The following BBS9 variants were observed in gnomAD, a reference collection of about 807,000 sequenced individuals.
BBS9 encodes Bardet-Biedl syndrome 9.
A neutral mutation model predicts 117.7 loss-of-function variants in BBS9; 89 were observed. That is an observed-to-expected ratio of 0.76 (90% confidence interval 0.64 to 0.90). The LOEUF (loss-of-function observed/expected upper bound fraction) is 0.90. Among genes scored for constraint, BBS9 ranks in the 40% least tolerant of loss-of-function variants. The pLI is 0.00. For synonymous variants in BBS9, 379 were observed against 370.9 expected, an observed-to-expected ratio of 1.02 and a Z score of -0.25; for missense variants, 982 against 1,042.2, an observed-to-expected ratio of 0.94 and a Z score of 0.80.
At chr7:33,491,410 G>A (rs938719483) in intron 19 of BBS9, among the ~76,000 whole-genome samples, 2 of 152,130 alleles carry the variant, frequency 1.3e-5, no homozygotes, top group African/African-American at 4.8e-5. Context: ...ATGGAATTAA[G>A]GAAATCTATT....
At chr7:33,230,755 G>T (rs1792207597) in intron 5 of BBS9, among the ~76,000 whole-genome samples, 1 of 152,024 alleles carries the variant, frequency 6.6e-6, no homozygotes, top group African/African-American at 2.4e-5. Context: ...ACATTATTTT[G>T]TTCTTTATGA....
chr7:33,472,923 G>C (rs1276080731), intron 19 of BBS9, among the ~76,000 whole-genome samples: 1 of 152,148 alleles, frequency 6.6e-6, no homozygotes, highest in Non-Finnish European at 1.5e-5. Context: ...GTAATAAAAT[G>C]ATTCATCCCA....
chr7:33,288,964 TA>T lies in BBS9; in HGVS notation c.1016+15010del, dbSNP rs558415967. On this transcript the variant is annotated intron_variant, in intron 9 of 22. Coordinates refer to ENST00000242067, the MANE Select transcript of BBS9 (RefSeq NM_198428.3). ...AACATGTAAACAGCTAATTACAGCC[TA>T]AGTGAGTTGGTGTTACAATATAGAA... Among the ~76,000 whole-genome samples, 483 of 152,256 alleles carry T rather than the reference TA, an allele frequency of 3.2e-3. 3 individuals carry two copies. The highest frequency in any genetic ancestry group is 0.011 in the African/African-American group (455 of 41,550).
At chr7:33,325,241 C>G (rs1347733495) in intron 9 of BBS9, among the ~76,000 whole-genome samples, 1 of 152,154 alleles carries the variant, frequency 6.6e-6, no homozygotes, top group Non-Finnish European at 1.5e-5. Context: ...AATTCTTCTA[C>G]TTGATTAGTT....
intron 20 of BBS9, among the ~76,000 whole-genome samples, chr7:33,529,585 A>G (rs1882040): frequency 1 from 150,669 of 150,680 alleles, 75,329 homozygotes; most frequent in Middle Eastern, 1. Flanking sequence ...TTTAACTAAC[A>G]CCTTCTCCCT....
intron 9 of BBS9, among the ~76,000 whole-genome samples, chr7:33,325,295 C>T (rs913270842): frequency 3.9e-5 from 6 of 152,164 alleles, no homozygotes; most frequent in Admixed American, 3.3e-4. Context: ...ATGTCAGTTG[C>T]ATTTTTCAAT....
intron 9 of BBS9, among the ~76,000 whole-genome samples, chr7:33,287,113 A>G (rs1162781628): frequency 6.6e-6 from 1 of 152,170 alleles, no homozygotes; most frequent in Non-Finnish European, 1.5e-5. Flanking sequence ...TTATCATCAG[A>G]ATAAAAAAAG....
chr7:33,366,116 C>T (rs1388826261), intron 16 of BBS9, among the ~76,000 whole-genome samples: 1 of 152,128 alleles, frequency 6.6e-6, no homozygotes, highest in Admixed American at 6.5e-5. Context: ...GGTACAACAG[C>T]AGCTACTTCT....
At chr7:33,231,428 C>CTTT (rs35407590) in intron 5 of BBS9, among the ~76,000 whole-genome samples, 15,587 of 106,004 alleles carry the variant, frequency 0.15, 1,530 homozygotes, top group South Asian at 0.21. Context: ...GCCTATGTGT[C>CTTT]TTTTTTTTTT....
intron 9 of BBS9, among the ~76,000 whole-genome samples, chr7:33,330,931 C>T (rs1213872757): frequency 3.3e-5 from 5 of 152,124 alleles, no homozygotes; most frequent in Non-Finnish European, 7.4e-5. Context: ...TGGTTCTGTT[C>T]AGCATAACAT....
chr7:33,618,912 A>G (rs1414018092), intron 21 of BBS9, among the ~76,000 whole-genome samples: 1 of 152,208 alleles, frequency 6.6e-6, no homozygotes. Flanking sequence ...CACTATGAAA[A>G]AAATTATCAA....
chr7:33,329,509 A>G (rs1335384408), intron 9 of BBS9, among the ~76,000 whole-genome samples: 3 of 152,206 alleles, frequency 2.0e-5, no homozygotes, highest in Non-Finnish European at 2.9e-5. Flanking sequence ...TTTTCTGATA[A>G]CAGATATTTG....
chr7:33,315,018 G>T (rs749396217), intron 9 of BBS9, among the ~76,000 whole-genome samples: 3 of 152,144 alleles, frequency 2.0e-5, no homozygotes, highest in Non-Finnish European at 4.4e-5. Flanking sequence ...ATTTATTTAG[G>T]TCATGATTCT....
intron 20 of BBS9, among the ~76,000 whole-genome samples, chr7:33,520,010 G>C (rs1848369934): frequency 6.6e-6 from 1 of 150,428 alleles, no homozygotes; most frequent in South Asian, 2.1e-4. Flanking sequence ...GTCTGAAATA[G>C]GTTTTTTTTT....
chr7:33,530,155 AT>A (rs1164917501), intron 20 of BBS9, among the ~76,000 whole-genome samples: 1 of 152,222 alleles, frequency 6.6e-6, no homozygotes, highest in Non-Finnish European at 1.5e-5. Context: ...TCTCAGAGAT[AT>A]TCCTTTTAGT....
At chr7:33,502,089 T>C (rs1246374339) in intron 19 of BBS9, among the ~76,000 whole-genome samples, 2 of 152,124 alleles carry the variant, frequency 1.3e-5, no homozygotes, top group Non-Finnish European at 2.9e-5. Context: ...TTTGTATTTT[T>C]AGTAAAGATG....
downstream of BBS9, among the ~76,000 whole-genome samples, chr7:33,610,669 A>G (rs963790156): frequency 3.3e-5 from 5 of 152,102 alleles, no homozygotes; most frequent in Non-Finnish European, 1.5e-5. Flanking sequence ...CGACTTTTGG[A>G]GGGAACAAAC....
chr7:33,275,286 A>T (rs1800564439), intron 9 of BBS9, among the ~76,000 whole-genome samples: 1 of 152,220 alleles, frequency 6.6e-6, no homozygotes, highest in Admixed American at 6.5e-5. Flanking sequence ...AGTTATAGTT[A>T]TTTTGTGTCT....
At chr7:33,493,284 G>A (rs144077443) in intron 19 of BBS9, among the ~76,000 whole-genome samples, 4 of 152,146 alleles carry the variant, frequency 2.6e-5, no homozygotes, top group East Asian at 3.9e-4. Context: ...GTGAACCACC[G>A]CGCCTGGCCT....
Sources: gnomAD v4.1 joint callset for allele counts (sites outside exome capture counted in the v4.1 genomes callset) on GRCh38, gnomAD v4.1.1 for gene constraint, MANE v1.5 for transcripts, NCBI Gene and HGNC (gene_info 2026-07-23, HGNC 2026-07-21) for gene names.